The following APBB2 variants were observed in gnomAD, a reference collection of about 807,000 sequenced individuals.
The protein encoded by APBB2 is Fe65-like 1.
A neutral mutation model predicts 82.5 loss-of-function variants in APBB2; 38 were observed. That is an observed-to-expected ratio of 0.46 (90% CI 0.36 to 0.60). The LOEUF (loss-of-function observed/expected upper bound fraction) is 0.60, where lower values mean the gene tolerates loss of function less well. Ranked by LOEUF, APBB2 falls within the 20% of genes least tolerant of loss-of-function variation. The probability of loss-of-function intolerance (pLI) is 0.00; values close to 1 mark genes in which losing one functional copy is unlikely to be tolerated. For synonymous variants in APBB2, 341 were observed against 368.2 expected, an observed-to-expected ratio of 0.93 and a Z score of 0.85; for missense variants, 772 against 972.3, an observed-to-expected ratio of 0.79 and a Z score of 2.74.
At chr4:41,019,600 G>A (rs985539639) in intron 5 of APBB2, among the ~76,000 whole-genome samples, 3 of 152,124 alleles carry the variant, frequency 2.0e-5, no homozygotes, top group African/African-American at 4.8e-5. Flanking sequence ...TGAAGTCGTC[G>A]GGCGTGTTGA....
chr4:40,816,648 C>T (rs576598498), intron 17 of APBB2, among the ~76,000 whole-genome samples: 2 of 152,318 alleles, frequency 1.3e-5, no homozygotes, highest in Admixed American at 1.3e-4. Context: ...ACTGACAGCA[C>T]AGTAGAAAGG....
chr4:41,004,953 T>C (rs1016231507), intron 6 of APBB2, among the ~76,000 whole-genome samples: 2 of 152,138 alleles, frequency 1.3e-5, no homozygotes, highest in East Asian at 1.9e-4. Flanking sequence ...TCTTGAACTA[T>C]TGTTAACTTA....
At chr4:40,924,217 CAG>C (rs1782050189) in intron 10 of APBB2, among the ~76,000 whole-genome samples, 1 of 152,226 alleles carries the variant, frequency 6.6e-6, no homozygotes, top group Non-Finnish European at 1.5e-5. Context: ...GAATCTCATT[CAG>C]CCAGGACTTG....
intron 10 of APBB2, among the ~76,000 whole-genome samples, chr4:40,923,907 C>T (rs756199335): frequency 2.6e-5 from 4 of 152,224 alleles, no homozygotes; most frequent in Non-Finnish European, 5.9e-5. Context: ...CGGCATTATG[C>T]TTGGCCGAGT....
intron 7 of APBB2, among the ~76,000 whole-genome samples, chr4:40,937,747 TTC>T (rs1785735710): frequency 6.6e-6 from 1 of 152,240 alleles, no homozygotes; most frequent in African/African-American, 2.4e-5. Context: ...ACCATAATTT[TTC>T]TTTTTTAAAA....
rs530713069 is a variant in APBB2, at chr4:40,917,383, G to C, written c.1254+17073C>G. Among the ~76,000 whole-genome samples, 15 of 152,276 alleles carry C rather than the reference G, an allele frequency of 9.9e-5. No individual in the cohort carries two copies. The South Asian group carries it at 3.1e-3, about 32-fold the overall frequency. ...GGTCTCCCGGGCTGGAAGCAGCAGA[G>C]ACGGGTGAACAGTGGGGTCCTCTGT... On this transcript the variant is annotated intron_variant, in intron 10 of 17. Transcript: ENST00000508593.
intron 11 of APBB2, 60 bp from the exon 12 acceptor site, chr4:40,890,551 T>C (rs1015426049): frequency 6.3e-6 from 10 of 1,588,246 alleles, no homozygotes; most frequent in African/African-American, 1.4e-5. Context: ...CCTAATCGTG[T>C]GTGTGGCCAT....
chr4:40,873,856 T>C (rs1221789133), intron 12 of APBB2, among the ~76,000 whole-genome samples: 3 of 152,206 alleles, frequency 2.0e-5, no homozygotes, highest in African/African-American at 7.2e-5. Flanking sequence ...TTAGAATGCA[T>C]AGCATTTCCC....
At chr4:40,947,901 TAAAG>T (rs1369406197) in intron 6 of APBB2, among the ~76,000 whole-genome samples, 1 of 151,908 alleles carries the variant, frequency 6.6e-6, no homozygotes, top group East Asian at 1.9e-4. Context: ...AAAGAATAAA[TAAAG>T]AAGGAAGAAA....
intron 2 of APBB2, among the ~76,000 whole-genome samples, chr4:41,142,080 T>C (rs1759387247): frequency 6.6e-6 from 1 of 152,162 alleles, no homozygotes; most frequent in Non-Finnish European, 1.5e-5. Context: ...GGATGATTTA[T>C]TAAAAGATGG....
At chr4:41,047,703 T>A (rs998223192) in intron 4 of APBB2, among the ~76,000 whole-genome samples, 2 of 152,226 alleles carry the variant, frequency 1.3e-5, no homozygotes, top group Non-Finnish European at 2.9e-5. Flanking sequence ...GAATCCTTAG[T>A]TTAACATTCT....
chr4:41,120,867 G>T (rs1752609202), intron 2 of APBB2, among the ~76,000 whole-genome samples: 2 of 152,116 alleles, frequency 1.3e-5, no homozygotes, highest in South Asian at 4.1e-4. Context: ...ATTTTTAAAA[G>T]ATCAAATTAT....
intron 1 of APBB2, among the ~76,000 whole-genome samples, chr4:41,168,616 G>A (rs1463839450): frequency 1.3e-5 from 2 of 152,038 alleles, no homozygotes; most frequent in Admixed American, 6.5e-5. Flanking sequence ...GGTCTGCAAT[G>A]GTATAGAAAT....
At chr4:40,819,418 T>G (rs2437300) in intron 17 of APBB2, among the ~76,000 whole-genome samples, 119,522 of 151,654 alleles carry the variant, frequency 0.79, 47,322 homozygotes, top group Admixed American at 0.83. Context: ...CCTCCTGACC[T>G]CAAGTGATCC....
chr4:40,925,903 G>A (rs988861696), intron 10 of APBB2, among the ~76,000 whole-genome samples: 4 of 152,196 alleles, frequency 2.6e-5, no homozygotes, highest in East Asian at 1.9e-4. Context: ...ATGTCCATTC[G>A]CCATTCAGTT....
chr4:41,010,490 G>A (rs1037364975), intron 6 of APBB2, among the ~76,000 whole-genome samples: 2 of 152,176 alleles, frequency 1.3e-5, no homozygotes, highest in African/African-American at 2.4e-5. Flanking sequence ...AGTGGTAAGT[G>A]TCACAGCAGA....
In APBB2 at chr4:40,912,578, T is replaced by TAAAA. The variant is rs35548187; in HGVS notation, c.1255-19171_1255-19168dup. ...GCTGACAGAGCAAGATTCCTTCTCA[T>TAAAA]AAAAAAAAAAAAAAAGGACAGCTCA... On this transcript the variant is annotated intron_variant, in intron 10 of 17. Transcript: ENST00000508593. Among the ~76,000 whole-genome samples, 1,245 of 124,898 alleles carry TAAAA rather than the reference T, an allele frequency of 1.0e-2. 19 individuals are homozygous for TAAAA. The highest frequency in any genetic ancestry group is 0.029 in the African/African-American group (972 of 33,752). The allele number at this position is 124,898 out of a possible 152,430, so 81.9% of individuals were successfully genotyped here.
intron 10 of APBB2, among the ~76,000 whole-genome samples, chr4:40,917,372 G>A (rs1009310546): frequency 9.2e-5 from 14 of 152,158 alleles, no homozygotes; most frequent in African/African-American, 3.1e-4. Flanking sequence ...TCCCGGGCTG[G>A]AAGCAGCAGA....
At chr4:41,045,645 G>A (rs1723130328) in intron 4 of APBB2, among the ~76,000 whole-genome samples, 1 of 152,092 alleles carries the variant, frequency 6.6e-6, no homozygotes, top group African/African-American at 2.4e-5. Context: ...ATTGTCAGTA[G>A]GGATTTTACT....
Sources: gnomAD v4.1 joint callset for allele counts (sites outside exome capture counted in the v4.1 genomes callset) on GRCh38, gnomAD v4.1.1 for gene constraint, MANE v1.5 for transcripts, NCBI Gene and HGNC (gene_info 2026-07-23, HGNC 2026-07-21) for gene names.